Variants in DCC observed in about 807,000 individuals in gnomAD.
DCC encodes the protein netrin receptor DCC.
A neutral mutation model predicts 172.5 loss-of-function variants in DCC; 58 were observed. The observed-to-expected ratio is 0.34, with a 90% confidence interval of 0.27 to 0.42. The LOEUF is 0.42. DCC is among the 10% of genes least tolerant of loss of function. DCC has a pLI of 1.00. For missense variants in DCC, 1,740 were observed against 1,791.0 expected (o/e 0.97, Z 0.51); for synonymous variants, 709 against 644.5 (o/e 1.10, Z -1.52).
intron 4 of DCC, 84 bp from the exon 5 acceptor site, chr18:52,925,150 T>C: frequency 1.5e-6 from 2 of 1,336,840 alleles, no homozygotes; most frequent in Non-Finnish European, 2.1e-6. Flanking sequence ...ATTTGAGCTT[T>C]GGTGGAGGTC....
Position 52,906,121 on chromosome 18 carries a change from A to G in DCC, c.490A>G (p.Ile164Val), listed in dbSNP as rs2039877953. Reference sequence around the variant, plus strand: ...CACAGTGCTACTCAAGTGTGAAGTCATTGGGGAGCCCATGCCAACAATCCA... The same window carrying G: ...CACAGTGCTACTCAAGTGTGAAGTCGTTGGGGAGCCCATGCCAACAATCCA... ...GDTVLLKCEV[I>V]GEPMPTIHWQ... Residue 164 changes from isoleucine (I) to valine (V), a missense_variant, in exon 3 of 29, where the codon ATT (isoleucine) becomes GTT (valine). Around this residue, in one of 2 missense-constraint regions of DCC, gnomAD observed 1,732 missense variants for 1,767.4 expected, o/e 0.98. Transcript: ENST00000442544. 2.5e-6 allele frequency: 4 copies of G among 1,614,038 alleles called. No individual in the cohort carries two copies. In the Admixed American group the frequency reaches 6.7e-5, roughly 27 times the overall value.
chr18:52,662,652 G>A lies in DCC; in HGVS notation c.92-89402G>A, dbSNP rs566210775. On this transcript the variant is annotated intron_variant, in intron 1 of 28. Transcript: ENST00000442544. ...GAAAGAAGCGAAAAGAAGAAAACAAGGGATGGAAGGAAGGAGGGAGGGAGG... is the reference window on the plus strand; with the variant it reads ...GAAAGAAGCGAAAAGAAGAAAACAAAGGATGGAAGGAAGGAGGGAGGGAGG... 1.3e-4 allele frequency among the ~76,000 whole-genome samples: 20 copies of A among 151,130 alleles called. 1 individual carries two copies. In the South Asian group the frequency reaches 4.0e-3, roughly 30 times the overall value.
At chr18:53,222,383 C>CTTTTTTTTTTTTTTTTTTTTTTTTTTT (rs67373546) in intron 12 of DCC, among the ~76,000 whole-genome samples, 12 of 104,212 alleles carry the variant, frequency 1.2e-4, no homozygotes, top group Non-Finnish European at 1.9e-4. Flanking sequence ...TTTCTTTTTT[C>CTTTTTTTTTTTTTTTTTTTTTTTTTTT]TTTTTTTTTT....
rs1259442427 is a variant in DCC, at chr18:53,391,509, AT to A, written c.2456-139del. On this transcript the variant is annotated intron_variant, in intron 16 of 28. Transcript: ENST00000442544. ...TGTGTTTTCCGATTGAATTAATTAC[AT>A]TTTTTTCTGTTCTTCTCATGTTCCC... The A allele has an allele frequency of 4.1e-5, 27 of 660,568 alleles. 1 individual carries two copies. Among genetic ancestry groups the A allele is most frequent in the South Asian group, 3.1e-4 (18 of 58,464 alleles). 40.9% of individuals were successfully genotyped at this position (660,568 alleles called of 1,614,324 possible). A position where few individuals can be genotyped will look rare whatever the true frequency, so the allele number is the denominator to read the frequency against.
chr18:52,796,748 T>G (rs115358530), intron 2 of DCC, among the ~76,000 whole-genome samples: 268 of 152,332 alleles, frequency 1.8e-3, no homozygotes, highest in African/African-American at 6.1e-3. Context: ...GTTTTTAGAA[T>G]TCTGTCATTG....
intron 25 of DCC, among the ~76,000 whole-genome samples, chr18:53,481,846 A>G (rs2045835296): frequency 6.6e-6 from 1 of 152,192 alleles, no homozygotes; most frequent in Admixed American, 6.6e-5. Flanking sequence ...GGAGCTAAGT[A>G]ATTTGGTGAG....
chr18:53,019,942 G>GA (rs1392911020), intron 5 of DCC, among the ~76,000 whole-genome samples: 1 of 152,082 alleles, frequency 6.6e-6, no homozygotes, highest in African/African-American at 2.4e-5. Flanking sequence ...ACATATTAGA[G>GA]AAAATGGCAT....
chr18:52,974,757 A>G (rs774372499), intron 5 of DCC, among the ~76,000 whole-genome samples: 5 of 152,176 alleles, frequency 3.3e-5, no homozygotes, highest in Admixed American at 2.6e-4. Context: ...CCAAGAGATG[A>G]TGACTGCAGT....
chr18:52,744,645 G>A (rs1026483378), intron 1 of DCC, among the ~76,000 whole-genome samples: 3 of 152,142 alleles, frequency 2.0e-5, no homozygotes, highest in Non-Finnish European at 4.4e-5. Flanking sequence ...AACCCCAATA[G>A]TCATAGGTGC....
At chr18:53,191,744 T>C (rs1312791701) in intron 9 of DCC, among the ~76,000 whole-genome samples, 2 of 132,628 alleles carry the variant, frequency 1.5e-5, no homozygotes, top group Admixed American at 7.2e-5. Flanking sequence ...TTAACTGTTT[T>C]CCTTATTTTA....
intron 5 of DCC, among the ~76,000 whole-genome samples, chr18:52,991,162 C>A: frequency 6.6e-6 from 1 of 152,132 alleles, no homozygotes; most frequent in East Asian, 1.9e-4. Flanking sequence ...CCACACTATT[C>A]TGTTGTTTCT....
chr18:53,285,118 A>C (rs1051734957), intron 12 of DCC, among the ~76,000 whole-genome samples: 1 of 152,168 alleles, frequency 6.6e-6, no homozygotes, highest in African/African-American at 2.4e-5. Context: ...TGGAAAAAAA[A>C]ATCCGATTTT....
intron 2 of DCC, among the ~76,000 whole-genome samples, chr18:52,792,754 G>GATTCTATTCC (rs1475444578): frequency 4.3e-5 from 1 of 23,088 alleles, no homozygotes; most frequent in African/African-American, 2.3e-4. Context: ...CATTCCAGTT[G>GATTCTATTCC]ATTCTATTCC....
intron 1 of DCC, among the ~76,000 whole-genome samples, chr18:52,427,271 A>G (rs1465713375): frequency 6.6e-6 from 1 of 152,110 alleles, no homozygotes; most frequent in East Asian, 1.9e-4. Context: ...TAGAACTGAG[A>G]TCTGCTAATG....
At chr18:53,490,533 T>C (rs1292412636) in intron 26 of DCC, among the ~76,000 whole-genome samples, 4 of 152,216 alleles carry the variant, frequency 2.6e-5, no homozygotes, top group Non-Finnish European at 5.9e-5. Context: ...TATAATGAAT[T>C]CTGACTATTT....
chr18:53,194,596 A>C (rs1329778038), intron 9 of DCC, among the ~76,000 whole-genome samples: 2 of 151,942 alleles, frequency 1.3e-5, no homozygotes, highest in Non-Finnish European at 2.9e-5. Flanking sequence ...CAGCCTCCCA[A>C]GTAGCTGAGA....
intron 7 of DCC, among the ~76,000 whole-genome samples, chr18:53,069,048 G>C (rs9947923): frequency 0.32 from 48,090 of 151,804 alleles, 9,188 homozygotes; most frequent in African/African-American, 0.54. Context: ...CCCCCAGACC[G>C]AGGGCTTATA....
intron 5 of DCC, among the ~76,000 whole-genome samples, chr18:52,964,623 T>C (rs1267368827): frequency 6.6e-6 from 1 of 152,162 alleles, no homozygotes; most frequent in African/African-American, 2.4e-5. Context: ...GGATCTGAAA[T>C]CACCAGAGAT....
intron 7 of DCC, among the ~76,000 whole-genome samples, chr18:53,115,633 ATT>A (rs1383295993): frequency 6.6e-6 from 1 of 151,656 alleles, no homozygotes; most frequent in Non-Finnish European, 1.5e-5. Context: ...TGAAGGTAAC[ATT>A]TGAGTTACCA....
Sources: allele counts gnomAD v4.1 joint callset (sites outside exome capture counted in the v4.1 genomes callset), GRCh38; gene constraint gnomAD v4.1.1; regional missense constraint gnomAD v4.1.1; transcripts MANE v1.5; gene names NCBI Gene and HGNC (gene_info 2026-07-23, HGNC 2026-07-21).